The following SBF1 variants were observed in gnomAD, a reference collection of about 807,000 sequenced individuals.
SBF1 encodes myotubularin-related protein 5.
Under a neutral mutation model 215.8 loss-of-function variants are expected in SBF1, and 65 were observed. The ratio of observed to expected loss-of-function variants is 0.30; its 90% confidence interval spans 0.25 to 0.37. The LOEUF is 0.37. SBF1 is among the 10% of genes least tolerant of loss of function. The probability of loss-of-function intolerance (pLI) is 1.00; values close to 1 mark genes in which losing one functional copy is unlikely to be tolerated. For synonymous variants in SBF1, 1,410 were observed against 1,122.8 expected (o/e 1.26, Z -5.11); for missense variants, 2,634 against 2,667.8 (o/e 0.99, Z 0.28).
chr22:50,469,091 G>T (rs1285236871), intron 1 of SBF1, among the ~76,000 whole-genome samples: 1 of 152,232 alleles, frequency 6.6e-6, no homozygotes, highest in South Asian at 2.1e-4. Context: ...CAGCCAGCAG[G>T]ACCTAGAGGG....
chr22:50,454,782 G>C, intron 35 of SBF1, 32 bp downstream of exon 35: 1 of 1,608,148 alleles, frequency 6.2e-7, no homozygotes, highest in Non-Finnish European at 8.5e-7. Flanking sequence ...GGTCGGGCAG[G>C]AGCCGCCTAC....
At chr22:50,451,899 C>T (rs961780302) in intron 36 of SBF1, among the ~76,000 whole-genome samples, 5 of 151,072 alleles carry the variant, frequency 3.3e-5, no homozygotes, top group African/African-American at 9.7e-5. Context: ...CGGGTTGAAG[C>T]GATTCTCCTG....
At chr22:50,469,522 G>A (rs1055940558) in intron 1 of SBF1, among the ~76,000 whole-genome samples, 5 of 152,214 alleles carry the variant, frequency 3.3e-5, no homozygotes, top group African/African-American at 7.2e-5. Flanking sequence ...TGTGGCTCCC[G>A]CAGCAGGACG....
At chr22:50,449,617 AACACACAAACACAC>A (rs1401249579) in intron 36 of SBF1, among the ~76,000 whole-genome samples, 1 of 41,170 alleles carries the variant, frequency 2.4e-5, no homozygotes. Context: ...TCTGTCTCAA[AACACACAAACACAC>A]ACACACACAC....
At chr22:50,473,745 G>T (rs2148619547) in intron 1 of SBF1, among the ~76,000 whole-genome samples, 1 of 152,282 alleles carries the variant, frequency 6.6e-6, no homozygotes, top group Non-Finnish European at 1.5e-5. Context: ...CCCACCTCCA[G>T]GCTCAAGATC....
Position 50,460,415 on chromosome 22 carries a change from C to A in SBF1, c.3147-7G>T. On this transcript the variant is annotated splice_polypyrimidine_tract_variant and splice_region_variant and intron_variant, in intron 24 of 40. Coordinates refer to ENST00000380817, the MANE Select transcript of SBF1 (RefSeq NM_002972.4). Reference sequence around the variant, plus strand: ...CAGGTTCCGGGACAGGGTTCTGAGGCCCACGAGAGTCAGCAAAGGTGAGAG... The same window carrying A: ...CAGGTTCCGGGACAGGGTTCTGAGGACCACGAGAGTCAGCAAAGGTGAGAG... 2 of 1,607,122 alleles carry A rather than the reference C, an allele frequency of 1.2e-6. No individual in the cohort carries two copies. Among genetic ancestry groups the A allele is most frequent in the South Asian group, 1.1e-5 (1 of 90,278 alleles).
At position 50,461,996 on chromosome 22, in the gene SBF1, C is replaced by T; in HGVS notation, c.2520G>A (p.Glu840=). ...INRFVDKVCT[E]SGVTSDHLKG... is the part of the protein sequence containing the mutation. ...TGAGGTGGTCGCTGGTGACCCCACT[C>T]TCCGTGCAGACCTTGTCCACAAAGC... The change falls in exon 20 of 41, where the codon GAG becomes GAA. Residue 840 remains glutamate (E), a synonymous_variant. Coordinates refer to ENST00000380817, the MANE Select transcript of SBF1 (RefSeq NM_002972.4). 1 of 1,614,262 alleles carries T rather than the reference C, an allele frequency of 6.2e-7. No individual in the cohort carries two copies. Among genetic ancestry groups the T allele is most frequent in the South Asian group, 1.1e-5 (1 of 91,092 alleles).
chr22:50,455,312 C>T lies in SBF1; in HGVS notation c.4466G>A (p.Arg1489His). The T allele has an allele frequency of 2.5e-6, 4 of 1,613,386 alleles. No homozygotes were observed. The highest frequency in any genetic ancestry group is 3.4e-6 in the Non-Finnish European group (4 of 1,179,922). Reference sequence around the variant, plus strand: ...GGTGTGAGCTCCACGGTGGCTGAAGCGATGGCCGAAGGACAGCCACTCCTT... The same window carrying T: ...GGTGTGAGCTCCACGGTGGCTGAAGTGATGGCCGAAGGACAGCCACTCCTT... ...VEKEWLSFGH[R>H]FSHRGAHTLA... The change falls in exon 33 of 41, where the codon CGC becomes CAC. Residue 1489 changes from arginine (R) to histidine (H), a missense_variant. Transcript: ENST00000380817.
At chr22:50,455,946 C>G (rs2067228697) in intron 31 of SBF1, 2 of 561,780 alleles carry the variant, frequency 3.6e-6, no homozygotes, top group African/African-American at 3.8e-5. Flanking sequence ...AACTGCATCC[C>G]CCGTGTGGTC....
At chr22:50,451,182 AAAAAAAAAAAAGT>A (rs1243569939) in intron 36 of SBF1, among the ~76,000 whole-genome samples, 3 of 150,818 alleles carry the variant, frequency 2.0e-5, no homozygotes, top group African/African-American at 7.3e-5. Context: ...AAAAAAAAAA[AAAAAAAAAAAAGT>A]AGCCGGCACG....
chr22:50,474,771 G>A lies in SBF1; in HGVS notation c.55+15C>T, dbSNP rs1294497047. The A allele has an allele frequency of 4.1e-6, 6 of 1,463,644 alleles. No homozygotes were observed. Among genetic ancestry groups the A allele is most frequent in the African/African-American group, 3.0e-5 (2 of 67,594 alleles). 90.7% of individuals were successfully genotyped at this position (1,463,644 alleles called of 1,614,324 possible). On this transcript the variant is annotated intron_variant, in intron 1 of 40. Coordinates refer to ENST00000380817, the MANE Select transcript of SBF1 (RefSeq NM_002972.4). ...CCTCGGCCCCCGGCCCTCAGCGCTT[G>A]GCCTCGGCACTCACCGCGCGGGTGC...
intron 36 of SBF1, among the ~76,000 whole-genome samples, chr22:50,450,482 C>G (rs907889233): frequency 1.3e-5 from 2 of 151,460 alleles, no homozygotes; most frequent in African/African-American, 4.9e-5. Flanking sequence ...GAGTGCGCCA[C>G]TGCACTCCAG....
chr22:50,474,886 G>A lies in SBF1; in HGVS notation c.-46C>T. Reference sequence around the variant, plus strand: ...CCGAGGGGCGCGGGCGGGCTCCGCGGCTCGGGGACTCGAGGACGGCGCGCT... The same window carrying A: ...CCGAGGGGCGCGGGCGGGCTCCGCGACTCGGGGACTCGAGGACGGCGCGCT... On this transcript the variant is annotated 5_prime_UTR_variant, in exon 1 of 41. Transcript: ENST00000380817. 3 of 1,309,854 alleles carry A rather than the reference G, an allele frequency of 2.3e-6. No homozygotes were observed. The highest frequency in any genetic ancestry group is 2.9e-6 in the Non-Finnish European group (3 of 1,023,808). The allele number at this position is 1,309,854 out of a possible 1,614,324, so 81.1% of individuals were successfully genotyped here.
In SBF1 at chr22:50,455,100, A is replaced by G. The variant is rs539944990; in HGVS notation, c.4597T>C (p.Tyr1533His). Reference sequence around the variant, plus strand: ...TGGTGGTAGCCGAGGAACTTGAGGTAGAACTGGCTGAACTCAAACTCCATG... The same window carrying G: ...TGGTGGTAGCCGAGGAACTTGAGGTGGAACTGGCTGAACTCAAACTCCATG... ...FPMEFEFSQF[Y>H]LKFLGYHHVS... The change falls in exon 34 of 41, where the codon TAC becomes CAC. Residue 1533 changes from tyrosine (Y) to histidine (H), a missense_variant. Transcript: ENST00000380817. The G allele has an allele frequency of 3.1e-6, 5 of 1,614,154 alleles. No homozygotes were observed. In the African/African-American group the frequency reaches 6.7e-5, roughly 22 times the overall value.
At chr22:50,454,212 A>G (rs1238943617) in intron 36 of SBF1, among the ~76,000 whole-genome samples, 1 of 152,222 alleles carries the variant, frequency 6.6e-6, no homozygotes, top group East Asian at 1.9e-4. Context: ...GCTCAAAGCC[A>G]GGTCAGGGAA....
Position 50,474,894 on chromosome 22 carries a change from A to G in SBF1, c.-54T>C. ...CGCGGGCGGGCTCCGCGGCTCGGGGACTCGAGGACGGCGCGCTCATGGCCC... is the reference window on the plus strand; with the variant it reads ...CGCGGGCGGGCTCCGCGGCTCGGGGGCTCGAGGACGGCGCGCTCATGGCCC... On this transcript the variant is annotated 5_prime_UTR_variant, in exon 1 of 41. Transcript: ENST00000380817. 4 of 1,248,322 alleles carry G rather than the reference A, an allele frequency of 3.2e-6. No homozygotes were observed. The highest frequency in any genetic ancestry group is 3.1e-6 in the Non-Finnish European group (3 of 975,050). 77.3% of individuals were successfully genotyped at this position (1,248,322 alleles called of 1,614,324 possible).
At chr22:50,474,430 C>G (rs1412217215) in intron 1 of SBF1, among the ~76,000 whole-genome samples, 5 of 152,210 alleles carry the variant, frequency 3.3e-5, no homozygotes, top group African/African-American at 1.2e-4. Flanking sequence ...CCGTCCCACC[C>G]CAAGGAGGCC....
chr22:50,465,672 G>T, intron 10 of SBF1, 91 bp downstream of exon 10: 11 of 1,234,640 alleles, frequency 8.9e-6, no homozygotes, highest in African/African-American at 1.5e-5. Flanking sequence ...GCCAGCCTGG[G>T]GGTGGGGCCC....
In SBF1 at chr22:50,461,089, A is replaced by G. The variant is rs548376404; in HGVS notation, c.2967+70T>C. 40 of 1,520,878 alleles carry G rather than the reference A, an allele frequency of 2.6e-5. No homozygotes were observed. The South Asian group carries it at 4.8e-4, about 18-fold the overall frequency. The allele number at this position is 1,520,878 out of a possible 1,614,324, so 94.2% of individuals were successfully genotyped here. On this transcript the variant is annotated intron_variant, in intron 23 of 40. Transcript: ENST00000380817. ...AGACTGGCCTAAAAATGGTTCATAC[A>G]AGAAAGACCGGTTTGCAGGAGAAAG... is the stretch of plus-strand genomic sequence containing the variant.
Sources: gnomAD v4.1 joint callset for allele counts (sites outside exome capture counted in the v4.1 genomes callset) on GRCh38, gnomAD v4.1.1 for gene constraint, MANE v1.5 for transcripts, NCBI Gene and HGNC (gene_info 2026-07-23, HGNC 2026-07-21) for gene names.